Variants in ANKAR observed in about 807,000 individuals in gnomAD.
ANKAR encodes the protein ankyrin and armadillo repeat containing.
A neutral mutation model predicts 146.2 loss-of-function variants in ANKAR; 136 were observed. That is an observed-to-expected ratio of 0.93 (90% CI 0.81 to 1.07). The LOEUF is 1.07. Among genes scored for constraint, ANKAR ranks in the 50% least tolerant of loss-of-function variants. ANKAR has a pLI of 0.00. For missense variants in ANKAR, 1,567 were observed against 1,679.9 expected (o/e 0.93, Z 1.18); for synonymous variants, 500 against 575.8 (o/e 0.87, Z 1.88).
intron 14 of ANKAR, 40 bp from the exon 15 acceptor site, chr2:189,728,620 C>G: frequency 6.3e-7 from 1 of 1,598,564 alleles, no homozygotes; most frequent in Non-Finnish European, 8.5e-7. Flanking sequence ...TAGAACAGGG[C>G]ACTGGAGTAT....
At chr2:189,742,965 CA>C (rs1559147950) in intron 20 of ANKAR, among the ~76,000 whole-genome samples, 124 of 140,022 alleles carry the variant, frequency 8.9e-4, no homozygotes, top group Non-Finnish European at 1.7e-3. Context: ...CACACACACA[CA>C]CACACACACA....
At chr2:189,753,014 A>G in intron 18 of ANKAR, 1 of 1,565,960 alleles carries the variant, frequency 6.4e-7, no homozygotes, top group South Asian at 1.2e-5. Flanking sequence ...TAACTATCAT[A>G]TATGGATATG....
downstream of ANKAR, among the ~76,000 whole-genome samples, chr2:189,749,287 C>T (rs1206395646): frequency 5.0e-4 from 13 of 25,756 alleles, no homozygotes; most frequent in Non-Finnish European, 8.3e-4. Context: ...TATTACTCCA[C>T]GGTTTTTTTT....
chr2:189,677,116 ATTT>A (rs61285192), intron 2 of ANKAR, 25 bp downstream of exon 2: 2,381 of 1,267,476 alleles, frequency 1.9e-3, no homozygotes, highest in South Asian at 4.4e-3. Context: ...CACTTCTTAA[ATTT>A]TTTTTTTTTT....
chr2:189,755,919 AAG>A (rs2106020736), intron 18 of ANKAR, among the ~76,000 whole-genome samples: 1 of 152,318 alleles, frequency 6.6e-6, no homozygotes, highest in South Asian at 2.1e-4. Flanking sequence ...AGAAGATTTT[AAG>A]AGAGATTACT....
intron 18 of ANKAR, among the ~76,000 whole-genome samples, chr2:189,760,287 G>A (rs924365177): frequency 7.9e-5 from 12 of 152,132 alleles, no homozygotes; most frequent in African/African-American, 1.7e-4. Context: ...CTCCCAGACG[G>A]GGTGGCAGCC....
At position 189,727,857 on chromosome 2, in the gene ANKAR, T is replaced by A. The variant is rs752650614; in HGVS notation, c.2637T>A (p.Asp879Glu). Residue 879 changes from aspartate (D) to glutamate (E), a missense_variant and splice_region_variant, in exon 13 of 23, where the codon GAT becomes GAA. Physicochemically the swap from Asp to Glu is conservative, Grantham distance 45. Transcript: ENST00000684021. ...ACTTGTTCTTAAATTCATTTGAAGATGTGTTGAAGGCTGTATCTTCTGCTG... is the reference window on the plus strand; with the variant it reads ...ACTTGTTCTTAAATTCATTTGAAGAAGTGTTGAAGGCTGTATCTTCTGCTG... The part of the protein sequence containing the change: ...YLIRFLSSDS[D>E]VLKAVSSAAI... 5 of 1,610,214 alleles carry A rather than the reference T, an allele frequency of 3.1e-6. No individual in the cohort carries two copies. Among genetic ancestry groups the A allele is most frequent in the Non-Finnish European group, 4.2e-6 (5 of 1,177,850 alleles).
At chr2:189,688,759 G>A (rs1424373930) in intron 2 of ANKAR, among the ~76,000 whole-genome samples, 3 of 152,194 alleles carry the variant, frequency 2.0e-5, no homozygotes, top group Non-Finnish European at 4.4e-5. Flanking sequence ...TGTTCACTTT[G>A]GGGTGGAGAC....
chr2:189,698,631 C>G (rs574617582), intron 7 of ANKAR, among the ~76,000 whole-genome samples: 10 of 152,270 alleles, frequency 6.6e-5, no homozygotes, highest in Admixed American at 6.5e-5. Flanking sequence ...TTACGTACAA[C>G]GAACTGAATT....
chr2:189,719,653 T>G lies in ANKAR; in HGVS notation c.2306T>G (p.Ile769Ser). 6.2e-7 allele frequency: 1 copy of G among 1,614,116 alleles called. No individual in the cohort carries two copies. Among genetic ancestry groups the G allele is most frequent in the Non-Finnish European group, 8.5e-7 (1 of 1,179,994 alleles). ...AAAACTGTTGGGTTATTGAGTAATA[T>G]CTCAACCCACAAAAGTGCAGTGCAT... The part of the protein sequence containing the change: ...QCKTVGLLSN[I>S]STHKSAVHAL... The change falls in exon 11 of 23, where the codon ATC (isoleucine) becomes AGC (serine). Residue 769 changes from isoleucine to serine, a missense_variant. Ile to Ser is a moderately radical substitution (Grantham distance 142, BLOSUM62 -2). Coordinates refer to ENST00000684021, the MANE Select transcript of ANKAR (RefSeq NM_001378068.1).
At chr2:189,709,855 T>C (rs1026406552) in intron 9 of ANKAR, among the ~76,000 whole-genome samples, 4 of 152,192 alleles carry the variant, frequency 2.6e-5, no homozygotes, top group African/African-American at 9.7e-5. Context: ...TGTAAAAACC[T>C]ACCTTAATAG....
At chr2:189,761,465 T>A (rs1323138826), downstream of ANKAR, 1 of 1,612,732 alleles carries the variant, frequency 6.2e-7, no homozygotes, top group Non-Finnish European at 8.5e-7. Flanking sequence ...TCCCAACACA[T>A]TTCCAGTTTC....
intron 18 of ANKAR, among the ~76,000 whole-genome samples, chr2:189,758,013 T>G (rs944470983): frequency 2.0e-5 from 3 of 152,198 alleles, no homozygotes; most frequent in African/African-American, 7.2e-5. Flanking sequence ...TGGTGGGAGA[T>G]GACTACATCA....
intron 12 of ANKAR, among the ~76,000 whole-genome samples, chr2:189,722,071 G>A (rs141601666): frequency 0.032 from 4,858 of 152,126 alleles, 98 homozygotes; most frequent in South Asian, 0.069. Context: ...GAGGCCAGGC[G>A]TGGTGGCTCA....
chr2:189,690,224 A>G (rs1316073645), intron 3 of ANKAR, among the ~76,000 whole-genome samples: 1 of 152,180 alleles, frequency 6.6e-6, no homozygotes, highest in Non-Finnish European at 1.5e-5. Flanking sequence ...ATAGGGAAAT[A>G]TGCCATATCC....
intron 17 of ANKAR, among the ~76,000 whole-genome samples, chr2:189,736,404 G>C (rs2042835105): frequency 6.6e-6 from 1 of 151,302 alleles, no homozygotes; most frequent in Admixed American, 6.6e-5. Context: ...CTATTTTGCT[G>C]TCTGTTAATC....
In ANKAR at chr2:189,746,584, G is replaced by C; in HGVS notation, c.4262G>C (p.Gly1421Ala). The C allele has an allele frequency of 6.2e-7, 1 of 1,611,674 alleles. No homozygotes were observed. Among genetic ancestry groups the C allele is most frequent in the Non-Finnish European group, 8.5e-7 (1 of 1,179,154 alleles). ...AGAATAGTGTGTTTGAACCAACTTG[G>C]GAAACATGTCCAGAAAGCCAACCCA... is the stretch of plus-strand genomic sequence containing the variant. ...RPRIVCLNQLGKHVQKANPEP... is the reference protein window; with the variant it reads ...RPRIVCLNQLAKHVQKANPEP... Residue 1421 changes from glycine (G) to alanine (A), a missense_variant, in exon 23 of 23, where the codon GGG (glycine) becomes GCG (alanine). Transcript: ENST00000684021.
chr2:189,680,909 G>A (rs1484589599), intron 2 of ANKAR, among the ~76,000 whole-genome samples: 1 of 152,142 alleles, frequency 6.6e-6, no homozygotes, highest in Non-Finnish European at 1.5e-5. Flanking sequence ...AATTTATCTG[G>A]ATCAAGGTGA....
chr2:189,760,251 C>T (rs750131788), intron 18 of ANKAR, among the ~76,000 whole-genome samples: 3 of 152,158 alleles, frequency 2.0e-5, no homozygotes, highest in Non-Finnish European at 4.4e-5. Context: ...CATCATGGCC[C>T]GTTCTCAATG....
Sources: allele counts gnomAD v4.1 joint callset (sites outside exome capture counted in the v4.1 genomes callset), GRCh38; gene constraint gnomAD v4.1.1; transcripts MANE v1.5; gene names NCBI Gene and HGNC (gene_info 2026-07-23, HGNC 2026-07-21).